P3H2: variants seen among roughly 807,000 people sequenced by gnomAD.
P3H2 encodes leprecan-like 1.
Under a neutral mutation model 87.0 loss-of-function variants are expected in P3H2, and 80 were observed. The observed-to-expected ratio is 0.92, with a 90% confidence interval of 0.77 to 1.11. P3H2 has a LOEUF of 1.11. Among genes scored for constraint, P3H2 ranks in the 50% least tolerant of loss-of-function variants. The pLI, the probability that P3H2 is intolerant of heterozygous loss-of-function variation, is 0.00. For missense variants in P3H2, 1,001 were observed against 923.9 expected, an observed-to-expected ratio of 1.08 and a Z score of -1.08; for synonymous variants, 367 against 359.3, an observed-to-expected ratio of 1.02 and a Z score of -0.24.
At chr3:190,080,546 A>C (rs1203275184) in intron 1 of P3H2, among the ~76,000 whole-genome samples, 1 of 152,020 alleles carries the variant, frequency 6.6e-6, no homozygotes, top group African/African-American at 2.4e-5. Flanking sequence ...GATTACAGGC[A>C]TGCAACACCA....
intron 1 of P3H2, among the ~76,000 whole-genome samples, chr3:190,112,712 C>T (rs886461914): frequency 2.0e-5 from 3 of 150,038 alleles, no homozygotes; most frequent in African/African-American, 7.6e-5. Context: ...CAACAACAGT[C>T]TGCAGTCCTC....
chr3:190,115,787 T>G (rs879067062), intron 1 of P3H2, among the ~76,000 whole-genome samples: 1 of 152,132 alleles, frequency 6.6e-6, no homozygotes, highest in African/African-American at 2.4e-5. Context: ...ACATTTCATA[T>G]GCATGGAACC....
At chr3:190,106,358 C>A (rs572207269) in intron 1 of P3H2, among the ~76,000 whole-genome samples, 2 of 152,070 alleles carry the variant, frequency 1.3e-5, no homozygotes, top group African/African-American at 4.8e-5. Context: ...CAGTGTTGAA[C>A]GTGAAGCCAG....
intron 1 of P3H2, among the ~76,000 whole-genome samples, chr3:190,067,000 T>A (rs910453003): frequency 2.7e-5 from 4 of 150,592 alleles, no homozygotes; most frequent in Admixed American, 2.0e-4. Context: ...TATTCTTTTT[T>A]AATTTTCTTT....
chr3:190,014,135 A>G (rs1724679415), intron 1 of P3H2, among the ~76,000 whole-genome samples: 1 of 152,232 alleles, frequency 6.6e-6, no homozygotes, highest in African/African-American at 2.4e-5. Context: ...ATTTGTGCTG[A>G]TCCTGGAGGA....
At chr3:190,057,484 A>G (rs1484959614) in intron 1 of P3H2, among the ~76,000 whole-genome samples, 1 of 152,144 alleles carries the variant, frequency 6.6e-6, no homozygotes, top group Non-Finnish European at 1.5e-5. Context: ...TCTAAGGCCT[A>G]CCATCTACCA....
At chr3:189,999,499 T>C (rs1481711560) in intron 1 of P3H2, among the ~76,000 whole-genome samples, 4 of 152,184 alleles carry the variant, frequency 2.6e-5, no homozygotes, top group South Asian at 2.1e-4. Flanking sequence ...AACATGTGCA[T>C]GCTACATATA....
At chr3:190,115,270 G>C (rs747233506) in intron 1 of P3H2, among the ~76,000 whole-genome samples, 1 of 151,956 alleles carries the variant, frequency 6.6e-6, no homozygotes, top group South Asian at 2.1e-4. Flanking sequence ...TTTATTTTTC[G>C]CCTTCCTTTT....
intron 1 of P3H2, among the ~76,000 whole-genome samples, chr3:190,060,292 CA>C (rs1363431402): frequency 6.6e-6 from 1 of 152,086 alleles, no homozygotes; most frequent in East Asian, 1.9e-4. Flanking sequence ...AATCCTAATG[CA>C]AAGCATCTAT....
At chr3:190,044,271 C>A (rs186396810) in intron 1 of P3H2, among the ~76,000 whole-genome samples, 4 of 152,290 alleles carry the variant, frequency 2.6e-5, no homozygotes, top group Admixed American at 2.0e-4. Flanking sequence ...TGCCTTCTCA[C>A]CACTCTGCAT....
chr3:189,973,870 C>T (rs1723261157), intron 10 of P3H2, 39 bp downstream of exon 10: 3 of 1,441,586 alleles, frequency 2.1e-6, no homozygotes, highest in Admixed American at 1.7e-5. Context: ...CTTAGGCTGA[C>T]ACTAAGGAAC....
intron 14 of P3H2, among the ~76,000 whole-genome samples, chr3:189,959,858 ATATGTGTGTG>A (rs1287861045): frequency 3.8e-5 from 5 of 131,184 alleles, no homozygotes; most frequent in African/African-American, 1.3e-4. Context: ...ACTGGAGGAG[ATATGTGTGTG>A]TGTGTGTGTG....
At chr3:190,062,328 T>G (rs1369188588) in intron 1 of P3H2, among the ~76,000 whole-genome samples, 1 of 152,190 alleles carries the variant, frequency 6.6e-6, no homozygotes, top group East Asian at 1.9e-4. Context: ...CATAAACTAA[T>G]GTACATGACA....
intron 1 of P3H2, among the ~76,000 whole-genome samples, chr3:190,073,919 C>T (rs1431129122): frequency 2.0e-5 from 3 of 152,122 alleles, no homozygotes; most frequent in Admixed American, 6.5e-5. Context: ...CAAAACTTAA[C>T]AAATAACGCT....
intron 14 of P3H2, among the ~76,000 whole-genome samples, chr3:189,959,864 G>A (rs1722759843): frequency 5.8e-4 from 1 of 1,736 alleles, no homozygotes; most frequent in African/African-American, 1.8e-3. Flanking sequence ...GGAGATATGT[G>A]TGTGTGTGTG....
At chr3:190,049,633 C>T (rs1725912719) in intron 1 of P3H2, among the ~76,000 whole-genome samples, 1 of 152,152 alleles carries the variant, frequency 6.6e-6, no homozygotes, top group Non-Finnish European at 1.5e-5. Flanking sequence ...TTCATAAAAA[C>T]TCTTTCAAAA....
At chr3:190,071,869 A>G (rs1282548829) in intron 1 of P3H2, among the ~76,000 whole-genome samples, 1 of 152,210 alleles carries the variant, frequency 6.6e-6, no homozygotes, top group African/African-American at 2.4e-5. Flanking sequence ...TAACATAGCA[A>G]TAAGAAAAAT....
In P3H2 at chr3:189,957,779, CT is replaced by C; in HGVS notation, c.*132del. On this transcript the variant is annotated 3_prime_UTR_variant, in exon 15 of 15. Coordinates refer to ENST00000319332, the MANE Select transcript of P3H2 (RefSeq NM_018192.4). ...GATAGATTGAGGCAACACAAGCATC[CT>C]TAGGAAGAGAAGGAAGATCTGATGA... The C allele has an allele frequency of 7.2e-6, 5 of 691,636 alleles. No individual in the cohort carries two copies. The South Asian group carries it at 8.4e-5, about 12-fold the overall frequency. 42.8% of individuals were successfully genotyped at this position (691,636 alleles called of 1,614,324 possible). A position where few individuals can be genotyped will look rare whatever the true frequency, so the allele number is the denominator to read the frequency against.
chr3:190,077,791 C>T (rs1577312253), intron 1 of P3H2, among the ~76,000 whole-genome samples: 1 of 152,210 alleles, frequency 6.6e-6, no homozygotes, highest in South Asian at 2.1e-4. Context: ...ACTACGCAAG[C>T]CTGTGAAAAA....
Sources: gnomAD v4.1 joint callset for allele counts (sites outside exome capture counted in the v4.1 genomes callset) on GRCh38, gnomAD v4.1.1 for gene constraint, MANE v1.5 for transcripts, NCBI Gene and HGNC (gene_info 2026-07-23, HGNC 2026-07-21) for gene names.